The following MAML2 variants were observed in gnomAD, a reference collection of about 807,000 sequenced individuals.
MAML2 encodes mastermind like transcriptional coactivator 2.
MAML2 carries 22 observed loss-of-function variants against 96.1 expected under a neutral mutation model. The ratio of observed to expected loss-of-function variants is 0.23; its 90% confidence interval spans 0.16 to 0.33. The LOEUF (loss-of-function observed/expected upper bound fraction) is 0.33, where lower values mean the gene tolerates loss of function less well. Ranked by LOEUF, MAML2 falls within the 10% of genes least tolerant of loss-of-function variation. The pLI is 1.00. For missense variants in MAML2, 1,367 were observed against 1,392.4 expected, an observed-to-expected ratio of 0.98 and a Z score of 0.29; for synonymous variants, 561 against 521.3, an observed-to-expected ratio of 1.08 and a Z score of -1.04.
chr11:96,311,327 G>A lies in MAML2; in HGVS notation c.513+30056C>T, dbSNP rs11827499. On this transcript the variant is annotated intron_variant, in intron 1 of 4. Coordinates refer to ENST00000524717, the MANE Select transcript of MAML2 (RefSeq NM_032427.4). ...AAGCTGGATAGTCACACTCACTTTA[G>A]TTCTTTTGTATAAGCCATTAGGAAT... 5.7e-3 allele frequency among the ~76,000 whole-genome samples: 872 copies of A among 152,320 alleles called. 7 individuals carry two copies. The highest frequency in any genetic ancestry group is 0.02 in the African/African-American group (813 of 41,568).
chr11:96,259,587 A>C (rs1295393564), intron 1 of MAML2, among the ~76,000 whole-genome samples: 1 of 152,208 alleles, frequency 6.6e-6, no homozygotes, highest in African/African-American at 2.4e-5. Flanking sequence ...TCTTTGCAAA[A>C]TCCATTGTAT....
At chr11:96,237,067 T>C (rs1024670194) in intron 1 of MAML2, among the ~76,000 whole-genome samples, 1 of 152,212 alleles carries the variant, frequency 6.6e-6, no homozygotes, top group African/African-American at 2.4e-5. Flanking sequence ...AAATCTAAGC[T>C]GGCATATCTG....
intron 1 of MAML2, among the ~76,000 whole-genome samples, chr11:96,306,605 G>T (rs982646671): frequency 1.3e-5 from 2 of 152,124 alleles, no homozygotes; most frequent in African/African-American, 4.8e-5. Context: ...CAATACTAGG[G>T]GTAAAAAGGC....
intron 2 of MAML2, among the ~76,000 whole-genome samples, chr11:96,078,875 C>T (rs1859489841): frequency 6.6e-6 from 1 of 152,224 alleles, no homozygotes; most frequent in Non-Finnish European, 1.5e-5. Flanking sequence ...GCTTACTATT[C>T]TGCTTTGTTT....
chr11:96,013,325 T>C lies in MAML2; in HGVS notation c.2140-21602A>G, dbSNP rs1298978215. On this transcript the variant is annotated intron_variant, in intron 2 of 4. Coordinates refer to ENST00000524717, the MANE Select transcript of MAML2 (RefSeq NM_032427.4). Reference sequence around the variant, plus strand: ...AATCAGAATTAAGTAATGTGAGGTCTCCAGTAGCTCATGTAGTAGATTATA... The same window carrying C: ...AATCAGAATTAAGTAATGTGAGGTCCCCAGTAGCTCATGTAGTAGATTATA... 9.9e-5 allele frequency among the ~76,000 whole-genome samples: 15 copies of C among 152,246 alleles called. No homozygotes were observed. In the East Asian group the frequency reaches 2.9e-3, roughly 29 times the overall value.
intron 1 of MAML2, among the ~76,000 whole-genome samples, chr11:96,282,646 A>G (rs1179559073): frequency 6.6e-6 from 1 of 152,228 alleles, no homozygotes; most frequent in Non-Finnish European, 1.5e-5. Context: ...AGGTTTCTTG[A>G]TTCAAATTAG....
At chr11:96,318,995 C>A (rs763936270) in intron 1 of MAML2, among the ~76,000 whole-genome samples, 7 of 152,142 alleles carry the variant, frequency 4.6e-5, no homozygotes, top group Non-Finnish European at 1.0e-4. Context: ...CCTGGTTTGG[C>A]CTATGTGACC....
chr11:96,060,596 A>T (rs1213363349), intron 2 of MAML2, among the ~76,000 whole-genome samples: 2 of 152,188 alleles, frequency 1.3e-5, no homozygotes, highest in African/African-American at 4.8e-5. Context: ...TAATGAGAAG[A>T]AAGTGGGAAT....
At chr11:96,060,741 T>G (rs628611) in intron 2 of MAML2, among the ~76,000 whole-genome samples, 1 of 152,228 alleles carries the variant, frequency 6.6e-6, no homozygotes, top group South Asian at 2.1e-4. Context: ...TAGGGTTCTT[T>G]GGCAATAAAA....
intron 1 of MAML2, among the ~76,000 whole-genome samples, chr11:96,245,994 T>C (rs1803048187): frequency 1.3e-5 from 2 of 152,146 alleles, no homozygotes; most frequent in African/African-American, 2.4e-5. Context: ...TGAGCCACTG[T>C]GCCCAGCTGC....
At chr11:96,121,780 A>AGTTTTTTTTTTTTTTTTTTT (rs1860345914) in intron 1 of MAML2, among the ~76,000 whole-genome samples, 1 of 35,238 alleles carries the variant, frequency 2.8e-5, no homozygotes, top group African/African-American at 1.3e-4. Context: ...CAACTGCGTG[A>AGTTTTTTTTTTTTTTTTTTT]TTTTTTTTTT....
intron 1 of MAML2, among the ~76,000 whole-genome samples, chr11:96,239,371 C>A (rs1328084703): frequency 6.6e-6 from 1 of 152,166 alleles, no homozygotes; most frequent in African/African-American, 2.4e-5. Flanking sequence ...CCTGCCAATA[C>A]CAGCACTTCT....
intron 2 of MAML2, among the ~76,000 whole-genome samples, chr11:96,045,108 G>A (rs1434654499): frequency 6.6e-6 from 1 of 152,076 alleles, no homozygotes; most frequent in Non-Finnish European, 1.5e-5. Flanking sequence ...GGGTGGTGGT[G>A]GTGGATAGGC....
chr11:96,287,552 T>G (rs768914105), intron 1 of MAML2, among the ~76,000 whole-genome samples: 24 of 152,226 alleles, frequency 1.6e-4, no homozygotes, highest in Non-Finnish European at 2.9e-4. Flanking sequence ...TATAAATGTA[T>G]TATAGAGACA....
intron 1 of MAML2, among the ~76,000 whole-genome samples, chr11:96,268,466 G>C (rs1406297198): frequency 2.0e-5 from 3 of 152,104 alleles, no homozygotes; most frequent in Admixed American, 2.0e-4. Context: ...TGGTGAGAGA[G>C]GGAGACCCTG....
chr11:96,227,613 G>GCTCCTCTCTGAGATTCATTCAGTTTT (rs1472865781), intron 1 of MAML2, among the ~76,000 whole-genome samples: 1 of 152,174 alleles, frequency 6.6e-6, no homozygotes, highest in East Asian at 1.9e-4. Context: ...GACATAGTTT[G>GCTCCTCTCTGAGATTCATTCAGTTTT]CTCCTCTCTG....
At chr11:96,069,561 C>T (rs904538715) in intron 2 of MAML2, among the ~76,000 whole-genome samples, 6 of 152,078 alleles carry the variant, frequency 3.9e-5, no homozygotes, top group South Asian at 2.1e-4. Flanking sequence ...TGTAGTCTCT[C>T]AGCCACTGGA....
chr11:96,158,976 A>C (rs1354119623), intron 1 of MAML2, among the ~76,000 whole-genome samples: 1 of 152,170 alleles, frequency 6.6e-6, no homozygotes, highest in African/African-American at 2.4e-5. Flanking sequence ...GTTTCCTATT[A>C]ACTAGTGGGG....
At chr11:96,006,819 C>G (rs892316028) in intron 2 of MAML2, among the ~76,000 whole-genome samples, 5 of 151,114 alleles carry the variant, frequency 3.3e-5, no homozygotes, top group Admixed American at 3.3e-4. Context: ...CTCGGCCTCC[C>G]AAAGCGCTGA....
Sources: allele counts gnomAD v4.1 joint callset (sites outside exome capture counted in the v4.1 genomes callset), GRCh38; gene constraint gnomAD v4.1.1; transcripts MANE v1.5; gene names NCBI Gene and HGNC (gene_info 2026-07-23, HGNC 2026-07-21).